RORA: variants seen among roughly 807,000 people sequenced by gnomAD.
RORA encodes the protein RAR related orphan receptor A, also known as nuclear receptor ROR-alpha.
A neutral mutation model predicts 69.5 loss-of-function variants in RORA; 7 were observed. The ratio of observed to expected loss-of-function variants is 0.10; its 90% CI spans 0.06 to 0.19. The LOEUF (loss-of-function observed/expected upper bound fraction) is 0.19, where lower values mean the gene tolerates loss of function less well. Ranked by LOEUF, RORA falls within the 10% of genes least tolerant of loss-of-function variation. The probability of loss-of-function intolerance (pLI) is 1.00; values close to 1 mark genes in which losing one functional copy is unlikely to be tolerated. For synonymous variants in RORA, 261 were observed against 240.8 expected (o/e 1.08, Z -0.78); for missense variants, 457 against 663.0 (o/e 0.69, Z 3.41).
At chr15:60,986,829 C>T (rs190899457) in intron 1 of RORA, among the ~76,000 whole-genome samples, 23 of 152,334 alleles carry the variant, frequency 1.5e-4, no homozygotes, top group African/African-American at 5.1e-4. Context: ...CCAACTTCCA[C>T]GTTTTCCTGA....
intron 2 of RORA, chr15:60,592,858 C>G: frequency 2.1e-6 from 1 of 473,488 alleles, no homozygotes; most frequent in Non-Finnish European, 4.1e-6. Context: ...GAACGCGCCT[C>G]TGACCACTTT....
chr15:60,846,413 A>G (rs1595762846), intron 1 of RORA, among the ~76,000 whole-genome samples: 1 of 152,154 alleles, frequency 6.6e-6, no homozygotes, highest in African/African-American at 2.4e-5. Context: ...TCTCCTCCAC[A>G]CTATCACGTC....
intron 1 of RORA, among the ~76,000 whole-genome samples, chr15:60,843,033 T>C (rs1428349491): frequency 6.6e-6 from 1 of 152,116 alleles, no homozygotes; most frequent in Non-Finnish European, 1.5e-5. Flanking sequence ...ACACCCCTCG[T>C]GAAACTCCAT....
chr15:60,780,166 G>A (rs1282151854), intron 1 of RORA, among the ~76,000 whole-genome samples: 1 of 152,058 alleles, frequency 6.6e-6, no homozygotes, highest in Non-Finnish European at 1.5e-5. Flanking sequence ...TTTTTGCCAC[G>A]CTGGGAGTGG....
intron 1 of RORA, among the ~76,000 whole-genome samples, chr15:60,977,297 G>A (rs1893903855): frequency 6.6e-6 from 1 of 152,092 alleles, no homozygotes; most frequent in Non-Finnish European, 1.5e-5. Context: ...ATGGTATTCT[G>A]TAGCCTTACG....
At chr15:61,186,818 G>A (rs2079747945) in intron 1 of RORA, among the ~76,000 whole-genome samples, 2 of 152,324 alleles carry the variant, frequency 1.3e-5, no homozygotes, top group South Asian at 4.1e-4. Context: ...GGTTTGGTGA[G>A]CTCCAGTGCC....
At chr15:61,003,409 A>G (rs1894809511) in intron 1 of RORA, among the ~76,000 whole-genome samples, 1 of 152,196 alleles carries the variant, frequency 6.6e-6, no homozygotes, top group Non-Finnish European at 1.5e-5. Flanking sequence ...GAGACCAAAC[A>G]ATGTTTTTTG....
chr15:61,109,150 C>T (rs552679623), intron 1 of RORA, among the ~76,000 whole-genome samples: 1 of 152,202 alleles, frequency 6.6e-6, no homozygotes, highest in African/African-American at 2.4e-5. Flanking sequence ...GAGCCTAGAT[C>T]GCGCCACTAC....
At chr15:60,828,203 G>C (rs2072991917) in intron 1 of RORA, among the ~76,000 whole-genome samples, 1 of 152,186 alleles carries the variant, frequency 6.6e-6, no homozygotes, top group African/African-American at 2.4e-5. Flanking sequence ...AGTGCTGCTG[G>C]TGGGAAAGTC....
At chr15:60,894,542 G>C (rs1891176368) in intron 1 of RORA, among the ~76,000 whole-genome samples, 1 of 152,210 alleles carries the variant, frequency 6.6e-6, no homozygotes, top group Non-Finnish European at 1.5e-5. Context: ...GGTTATTTTG[G>C]AGGATGGTTC....
In RORA at chr15:60,531,153, A is replaced by G. The variant is rs1410059971; in HGVS notation, c.282+613T>C. On this transcript the variant is annotated intron_variant, in intron 3 of 10. Coordinates refer to ENST00000335670, the MANE Select transcript of RORA (RefSeq NM_134261.3). The surrounding 1 kb of genome is among the most constrained non-coding windows in gnomAD (Gnocchi z 4.8). ...AAATAGCACTTTTCTGTTTGTAAGGACTTTTTTATGTACAGGTTCTCCTTC... is the reference window on the plus strand; with the variant it reads ...AAATAGCACTTTTCTGTTTGTAAGGGCTTTTTTATGTACAGGTTCTCCTTC... The G allele has an allele frequency of 1.3e-5, 2 of 152,234 alleles. No homozygotes were observed. The highest frequency in any genetic ancestry group is 4.8e-5 in the African/African-American group (2 of 41,456). 9.4% of individuals were successfully genotyped at this position (152,234 alleles called of 1,614,324 possible). A position where few individuals can be genotyped will look rare whatever the true frequency, so the allele number is the denominator to read the frequency against.
chr15:61,060,168 C>T (rs1462805264), intron 1 of RORA, among the ~76,000 whole-genome samples: 2 of 152,130 alleles, frequency 1.3e-5, no homozygotes, highest in Non-Finnish European at 2.9e-5. Context: ...TCAGTCAAAC[C>T]CAGGAAATGA....
intron 1 of RORA, among the ~76,000 whole-genome samples, chr15:61,013,940 C>T (rs1241685392): frequency 9.2e-5 from 14 of 151,962 alleles, no homozygotes; most frequent in Admixed American, 6.6e-4. Flanking sequence ...CCCGCCACCA[C>T]GCCAGGCTAA....
chr15:60,912,038 A>T (rs1891739310), intron 1 of RORA, among the ~76,000 whole-genome samples: 1 of 152,114 alleles, frequency 6.6e-6, no homozygotes, highest in South Asian at 2.1e-4. Flanking sequence ...AAGGTCACAG[A>T]GGTGGAGAAA....
intron 1 of RORA, among the ~76,000 whole-genome samples, chr15:60,835,386 C>T (rs1029820046): frequency 6.6e-6 from 1 of 152,162 alleles, no homozygotes; most frequent in Non-Finnish European, 1.5e-5. Context: ...ATCTTTCTGA[C>T]GTTACTAAAA....
At chr15:60,517,565 C>T (rs1343556425) in intron 3 of RORA, among the ~76,000 whole-genome samples, 1 of 151,974 alleles carries the variant, frequency 6.6e-6, no homozygotes, top group Admixed American at 6.6e-5. Context: ...AGAGAGAATT[C>T]AAGAAAATAT....
chr15:60,802,172 T>G (rs141262192), intron 1 of RORA, among the ~76,000 whole-genome samples: 1 of 152,312 alleles, frequency 6.6e-6, no homozygotes, highest in East Asian at 1.9e-4. Context: ...CAGACCCAAT[T>G]CTGCACCTGG....
chr15:61,099,414 A>G (rs1266898657), intron 1 of RORA, among the ~76,000 whole-genome samples: 3 of 152,154 alleles, frequency 2.0e-5, no homozygotes, highest in African/African-American at 7.2e-5. Flanking sequence ...CCAGTGAGGG[A>G]AGGGAAACCT....
At chr15:60,874,795 G>A (rs1379305056) in intron 1 of RORA, among the ~76,000 whole-genome samples, 1 of 152,160 alleles carries the variant, frequency 6.6e-6, no homozygotes, top group Non-Finnish European at 1.5e-5. Flanking sequence ...TGTGGCCTCT[G>A]GGGTCAGCCT....
Sources: allele counts gnomAD v4.1 joint callset (sites outside exome capture counted in the v4.1 genomes callset), GRCh38; gene constraint gnomAD v4.1.1; non-coding constraint Gnocchi (gnomAD v3.1); transcripts MANE v1.5; gene names NCBI Gene and HGNC (gene_info 2026-07-23, HGNC 2026-07-21).